The following DST variants were observed in gnomAD, a reference collection of about 807,000 sequenced individuals.
DST encodes the protein dystonin, also known as bullous pemphigoid antigen.
In DST, 253 loss-of-function variants were observed where a neutral mutation model predicts 875.2. That is an observed-to-expected ratio of 0.29 (90% CI 0.26 to 0.32). DST has a LOEUF of 0.32. DST is among the 10% of genes least tolerant of loss of function. DST has a pLI of 1.00. For synonymous variants in DST, 3,124 were observed against 3,197.1 expected (o/e 0.98, Z 0.77); for missense variants, 8,287 against 9,111.6 (o/e 0.91, Z 3.68).
intron 5 of DST, among the ~76,000 whole-genome samples, chr6:56,704,960 T>C (rs141902323): frequency 3.2e-4 from 49 of 152,356 alleles, no homozygotes; most frequent in African/African-American, 1.1e-3. Context: ...GTAAGTCTTC[T>C]TATAACGGAA....
chr6:56,519,919 C>A (rs746733820), intron 69 of DST, among the ~76,000 whole-genome samples: 2 of 152,146 alleles, frequency 1.3e-5, no homozygotes, highest in African/African-American at 2.4e-5. Flanking sequence ...GTTAGAATTA[C>A]CTGACAATGA....
chr6:56,662,296 C>A (rs2099047625), intron 10 of DST, among the ~76,000 whole-genome samples: 1 of 152,132 alleles, frequency 6.6e-6, no homozygotes, highest in Non-Finnish European at 1.5e-5. Flanking sequence ...ACTTCCAGGA[C>A]CTTATCCTAT....
intron 3 of DST, among the ~76,000 whole-genome samples, chr6:56,875,387 A>G (rs758975386): frequency 1.5e-4 from 23 of 152,220 alleles, no homozygotes; most frequent in Non-Finnish European, 3.1e-4. Context: ...TTTCCATTAA[A>G]TGCTTGAAAG....
chr6:56,826,861 C>A (rs2099781085), intron 4 of DST, among the ~76,000 whole-genome samples: 1 of 152,200 alleles, frequency 6.6e-6, no homozygotes, highest in Admixed American at 6.5e-5. Flanking sequence ...GTGTCTTCAG[C>A]AGCATCCTTT....
intron 3 of DST, among the ~76,000 whole-genome samples, chr6:56,856,705 A>G (rs1768032976): frequency 2.0e-5 from 3 of 152,182 alleles, no homozygotes; most frequent in African/African-American, 7.2e-5. Context: ...CTAAAAAGAC[A>G]TTTTGGGGCA....
chr6:56,675,678 C>T (rs934630472), intron 9 of DST, among the ~76,000 whole-genome samples: 10 of 151,998 alleles, frequency 6.6e-5, no homozygotes, highest in African/African-American at 2.4e-4. Context: ...ATGGTGAAAC[C>T]CCATCTCTAC....
intron 3 of DST, among the ~76,000 whole-genome samples, chr6:56,889,069 G>C (rs912521089): frequency 6.6e-6 from 1 of 152,156 alleles, no homozygotes; most frequent in African/African-American, 2.4e-5. Context: ...TGAAGAGTTG[G>C]AAGTTATAAG....
chr6:56,772,915 A>G (rs1347024318), intron 4 of DST, among the ~76,000 whole-genome samples: 1 of 152,150 alleles, frequency 6.6e-6, no homozygotes, highest in Non-Finnish European at 1.5e-5. Flanking sequence ...TGCATTATAA[A>G]AGACAAAATC....
rs1262589589 is a variant in DST, at chr6:56,607,713, A to G, written c.6915T>C (p.Asn2305=). The change falls in exon 40 of 104, where the codon AAT becomes AAC. Residue 2305 remains asparagine, a synonymous_variant. Transcript: ENST00000680361. ...NRKCAIDEEF[N]EMRNTVINSE... ...TATTGATAACAGTATTTCTCATTTC[A>G]TTAAATTCTTCATCTATAGCACACT... The G allele has an allele frequency of 2.5e-6, 4 of 1,613,472 alleles. No individual in the cohort carries two copies. In the South Asian group the frequency reaches 3.3e-5, roughly 13 times the overall value.
intron 3 of DST, among the ~76,000 whole-genome samples, chr6:56,886,555 C>A (rs966675956): frequency 3.3e-5 from 5 of 152,128 alleles, no homozygotes; most frequent in Admixed American, 6.5e-5. Flanking sequence ...GCGGGCAGAT[C>A]ACCTGAGGTT....
intron 4 of DST, among the ~76,000 whole-genome samples, chr6:56,846,109 T>G (rs1297648533): frequency 6.6e-6 from 1 of 152,208 alleles, no homozygotes; most frequent in Non-Finnish European, 1.5e-5. Context: ...TAGTACCTAC[T>G]TCATGGGGTT....
chr6:56,943,268 G>A (rs896385544), intron 2 of DST, among the ~76,000 whole-genome samples: 2 of 151,378 alleles, frequency 1.3e-5, no homozygotes, highest in African/African-American at 4.9e-5. Flanking sequence ...CTGGTTATAA[G>A]GTAAAATGGT....
chr6:56,782,675 C>A (rs1433184088), intron 4 of DST, among the ~76,000 whole-genome samples: 3 of 152,104 alleles, frequency 2.0e-5, no homozygotes, highest in Non-Finnish European at 2.9e-5. Flanking sequence ...AAAAAACCAG[C>A]TCCTGGATTC....
chr6:56,586,168 G>A (rs375540285), intron 49 of DST, among the ~76,000 whole-genome samples: 41 of 151,638 alleles, frequency 2.7e-4, no homozygotes, highest in Middle Eastern at 6.8e-3. Flanking sequence ...TTTCTGTCTC[G>A]TTGATCTGTC....
rs540136976 is a variant in DST at position 56,954,384 on chromosome 6, A to C, written c.181+23T>G. The C allele has an allele frequency of 1.2e-5, 16 of 1,359,310 alleles. No homozygotes were observed. In the African/African-American group the frequency reaches 1.5e-4, roughly 13 times the overall value. The allele number at this position is 1,359,310 out of a possible 1,614,324, so 84.2% of individuals were successfully genotyped here. A position where few individuals can be genotyped will look rare whatever the true frequency, so the allele number is the denominator to read the frequency against. On this transcript the variant is annotated intron_variant, in intron 1 of 103. Transcript: ENST00000680361. ...CTTAATTGTTCCTGGTAGCCCGCAG[A>C]AACCCGTCGCGGCGTGTCTTACCTC...
At chr6:56,573,195 C>G (rs2097803016) in intron 51 of DST, 131 bp from the exon 52 acceptor site, 2 of 775,706 alleles carry the variant, frequency 2.6e-6, no homozygotes, top group Non-Finnish European at 4.0e-6. Context: ...ACAGTTGAAA[C>G]TGAATGACAA....
chr6:56,699,612 A>G, intron 9 of DST, 41 bp downstream of exon 9: 2 of 978,370 alleles, frequency 2.0e-6, no homozygotes, highest in Non-Finnish European at 3.1e-6. Context: ...CCACCTGAAA[A>G]CTAGCAATTA....
rs1344293062 is a variant in DST at position 56,625,165 on chromosome 6, T to A, written c.4822A>T (p.Ile1608Phe). The change falls in exon 35 of 104, where the codon ATT becomes TTT. Residue 1608 changes from isoleucine to phenylalanine, a missense_variant. Transcript: ENST00000680361. ...RRMQSSADLI[I>F]QEFMDLRTRY... ...TCTCATACTTTTATTACCTCTTGAATAATGAGATCTGCTGAACTCTGCATT... is the reference window on the plus strand; with the variant it reads ...TCTCATACTTTTATTACCTCTTGAAAAATGAGATCTGCTGAACTCTGCATT... 4 of 1,608,700 alleles carry A rather than the reference T, an allele frequency of 2.5e-6. No individual in the cohort carries two copies. Among genetic ancestry groups the A allele is most frequent in the Non-Finnish European group, 3.4e-6 (4 of 1,175,278 alleles).
chr6:56,645,763 T>C, intron 15 of DST, 103 bp downstream of exon 15: 5 of 1,373,804 alleles, frequency 3.6e-6, no homozygotes, highest in South Asian at 1.4e-5. Context: ...TTAAGAGACT[T>C]ATCCAAGGCC....
Sources: allele counts gnomAD v4.1 joint callset (sites outside exome capture counted in the v4.1 genomes callset), GRCh38; gene constraint gnomAD v4.1.1; transcripts MANE v1.5; gene names NCBI Gene and HGNC (gene_info 2026-07-23, HGNC 2026-07-21).